DBT: variants seen among roughly 807,000 people sequenced by gnomAD.
DBT encodes dihydrolipoamide branched chain transacylase E2.
In DBT, 40 loss-of-function variants were observed where a neutral mutation model predicts 51.3. The observed-to-expected ratio is 0.78, with a 90% CI of 0.61 to 1.02. The LOEUF (loss-of-function observed/expected upper bound fraction) is 1.02, where lower values mean the gene tolerates loss of function less well. Ranked by LOEUF, DBT falls within the 50% of genes least tolerant of loss-of-function variation. DBT has a pLI of 0.00. For missense variants in DBT, 510 were observed against 580.2 expected (o/e 0.88, Z 1.24); for synonymous variants, 181 against 190.4 (o/e 0.95, Z 0.41).
chr1:100,232,529 T>C (rs970384052), intron 3 of DBT, among the ~76,000 whole-genome samples: 3 of 152,236 alleles, frequency 2.0e-5, no homozygotes, highest in African/African-American at 7.2e-5. Flanking sequence ...ATTAAGGCAA[T>C]ACTTATAAAA....
At chr1:100,249,689 A>T in intron 1 of DBT, 81 bp downstream of exon 1, 1 of 1,380,186 alleles carries the variant, frequency 7.2e-7, no homozygotes, top group Non-Finnish European at 1.0e-6. Flanking sequence ...CTGGCACCGG[A>T]GGAGAAAGTA....
rs558341166 is a variant in DBT, at chr1:100,211,973, T to G, written c.940-1202A>C. 1.2e-3 allele frequency among the ~76,000 whole-genome samples: 180 copies of G among 152,300 alleles called. 1 individual carries two copies. The highest frequency in any genetic ancestry group is 2.0e-3 in the Non-Finnish European group (138 of 68,024). ...TTTTTGTAGAGATGGGGTTTCACCA[T>G]GTTGCCCAGGCTGGTCTTGAACTCC... On this transcript the variant is annotated intron_variant, in intron 7 of 10. Transcript: ENST00000370132.
chr1:100,230,609 G>A (rs1330690295), intron 4 of DBT, 124 bp downstream of exon 4: 9 of 589,488 alleles, frequency 1.5e-5, no homozygotes, highest in African/African-American at 1.4e-4. Flanking sequence ...TTCCTCAAGA[G>A]CTAAAAATAA....
At chr1:100,224,388 T>C (rs547564962) in intron 4 of DBT, among the ~76,000 whole-genome samples, 1 of 152,180 alleles carries the variant, frequency 6.6e-6, no homozygotes, top group African/African-American at 2.4e-5. Flanking sequence ...CATATATAAA[T>C]TTCTCTCATT....
In DBT at chr1:100,191,747, TATACACACACACAC is replaced by T. The variant is rs1459456892; in HGVS notation, c.*4494_*4507del. The stretch of plus-strand genomic sequence containing the variant: ...GTGTGTGTATATATATGTGTGTGTG[TATACACACACACAC>T]ACACACACACACACACACACACACA... On this transcript the variant is annotated 3_prime_UTR_variant, in exon 11 of 11. Coordinates refer to ENST00000370132, the MANE Select transcript of DBT (RefSeq NM_001918.5). 44 of 146,530 alleles carry T rather than the reference TATACACACACACAC, an allele frequency of 3.0e-4. 2 individuals are homozygous for T. Among genetic ancestry groups the T allele is most frequent in the African/African-American group, 1.0e-3 (39 of 38,724 alleles). 9.1% of individuals were successfully genotyped at this position (146,530 alleles called of 1,614,324 possible).
chr1:100,230,003 T>C (rs1022534530), intron 4 of DBT, among the ~76,000 whole-genome samples: 2 of 152,346 alleles, frequency 1.3e-5, no homozygotes, highest in East Asian at 3.9e-4. Flanking sequence ...TCAACTTCTC[T>C]TGAAAAAGTT....
At chr1:100,206,684 C>G in intron 8 of DBT, 48 bp from the exon 9 acceptor site, 1 of 1,103,136 alleles carries the variant, frequency 9.1e-7, no homozygotes, top group Non-Finnish European at 1.4e-6. Flanking sequence ...AATAAGCTAA[C>G]AGCAAAGAAA....
chr1:100,228,487 G>GCA (rs1663349225), intron 4 of DBT, among the ~76,000 whole-genome samples: 4 of 152,264 alleles, frequency 2.6e-5, no homozygotes, highest in East Asian at 3.9e-4. Flanking sequence ...GGCCAGGCAT[G>GCA]GTGGCTCATG....
At chr1:100,209,336 G>A (rs929235990) in intron 8 of DBT, among the ~76,000 whole-genome samples, 2 of 151,838 alleles carry the variant, frequency 1.3e-5, no homozygotes, top group African/African-American at 2.4e-5. Context: ...CTAGGCTCAA[G>A]CCATCCTCCT....
At chr1:100,226,847 A>G (rs1012787941) in intron 4 of DBT, among the ~76,000 whole-genome samples, 6 of 152,362 alleles carry the variant, frequency 3.9e-5, no homozygotes, top group African/African-American at 1.2e-4. Flanking sequence ...CACCACTACA[A>G]TGATTTGAGC....
intron 4 of DBT, among the ~76,000 whole-genome samples, chr1:100,228,685 AG>A (rs1222352414): frequency 6.6e-6 from 1 of 152,144 alleles, no homozygotes; most frequent in Non-Finnish European, 1.5e-5. Flanking sequence ...GCTTGAACCT[AG>A]GAAGTGGAGG....
At chr1:100,245,604 G>A (rs766243519) in intron 1 of DBT, among the ~76,000 whole-genome samples, 10 of 152,008 alleles carry the variant, frequency 6.6e-5, no homozygotes, top group Admixed American at 1.3e-4. Context: ...ACAACTATAC[G>A]TGTAGTCTAA....
At chr1:100,198,173 C>A (rs1661215155) in intron 10 of DBT, among the ~76,000 whole-genome samples, 1 of 152,156 alleles carries the variant, frequency 6.6e-6, no homozygotes, top group South Asian at 2.1e-4. Context: ...CAACAGTATA[C>A]TATTTACCCT....
At chr1:100,213,677 C>T in intron 7 of DBT, 1 of 1,609,426 alleles carries the variant, frequency 6.2e-7, no homozygotes, top group Non-Finnish European at 8.5e-7. Flanking sequence ...TTAAAGGGAA[C>T]ACCAGGCTCG....
intron 4 of DBT, among the ~76,000 whole-genome samples, chr1:100,229,509 C>A (rs990171182): frequency 1.3e-5 from 2 of 152,118 alleles, no homozygotes; most frequent in African/African-American, 4.8e-5. Flanking sequence ...ATCTGCTAAA[C>A]TGGAATATTT....
intron 5 of DBT, among the ~76,000 whole-genome samples, chr1:100,217,057 T>C (rs1009095839): frequency 6.6e-6 from 1 of 152,164 alleles, no homozygotes; most frequent in African/African-American, 2.4e-5. Flanking sequence ...CAAACAACTG[T>C]AAATGCCACT....
intron 3 of DBT, among the ~76,000 whole-genome samples, chr1:100,232,867 T>C (rs1418328741): frequency 1.3e-5 from 2 of 152,206 alleles, no homozygotes; most frequent in African/African-American, 4.8e-5. Context: ...GCAGAGTCTT[T>C]GTATTCTATT....
rs1421468186 is a variant in DBT, at chr1:100,193,587, T to A, written c.*2668A>T. On this transcript the variant is annotated 3_prime_UTR_variant, in exon 11 of 11. Coordinates refer to ENST00000370132, the MANE Select transcript of DBT (RefSeq NM_001918.5). ...TGTATAATAAATGCATACAATGGAA[T>A]ACTATGCAGACATTTATTTATTTAT... The A allele has an allele frequency of 2.6e-5, 4 of 152,096 alleles. No homozygotes were observed. The East Asian group carries it at 7.7e-4, about 29-fold the overall frequency. 9.4% of individuals were successfully genotyped at this position (152,096 alleles called of 1,614,324 possible).
At chr1:100,203,674 C>T (rs1012479852) in intron 10 of DBT, among the ~76,000 whole-genome samples, 1 of 152,212 alleles carries the variant, frequency 6.6e-6, no homozygotes, top group Non-Finnish European at 1.5e-5. Context: ...GCCAATATCC[C>T]TGATGAACAT....
Sources: allele counts gnomAD v4.1 joint callset (sites outside exome capture counted in the v4.1 genomes callset), GRCh38; gene constraint gnomAD v4.1.1; transcripts MANE v1.5; gene names NCBI Gene and HGNC (gene_info 2026-07-23, HGNC 2026-07-21).